The following TMEM200A variants were observed in gnomAD, a reference collection of about 807,000 sequenced individuals.
TMEM200A encodes two transmembrane C.
TMEM200A carries 12 observed loss-of-function variants against 24.3 expected under a neutral mutation model. The ratio of observed to expected loss-of-function variants is 0.49; its 90% confidence interval spans 0.32 to 0.80. The LOEUF is 0.80. Among genes scored for constraint, TMEM200A ranks in the 30% least tolerant of loss-of-function variants. TMEM200A has a pLI of 0.04. For missense variants in TMEM200A, 545 were observed against 614.4 expected, an observed-to-expected ratio of 0.89 and a Z score of 1.19; for synonymous variants, 224 against 224.4, an observed-to-expected ratio of 1.00 and a Z score of 0.02.
chr6:130,440,822 G>A lies in TMEM200A; in HGVS notation c.400G>A (p.Gly134Arg). The A allele has an allele frequency of 6.2e-7, 1 of 1,613,796 alleles. No homozygotes were observed. The highest frequency in any genetic ancestry group is 8.5e-7 in the Non-Finnish European group (1 of 1,179,852). The change falls in exon 3 of 3, where the codon GGG becomes AGG. Residue 134 changes from glycine (G) to arginine (R), a missense_variant. Transcript: ENST00000296978. ...GAAAATGCTTGGCCCATTCACCATG[G>A]GGATTGGCATTTTCATTTTCATTTG... ...KMKMLGPFTM[G>R]IGIFIFICAN...
At chr6:130,428,259 G>C (rs931956089) in intron 2 of TMEM200A, among the ~76,000 whole-genome samples, 3 of 152,218 alleles carry the variant, frequency 2.0e-5, no homozygotes, top group African/African-American at 7.2e-5. Context: ...TTTCAAAGAA[G>C]AGGTTGTTTT....
At chr6:130,368,049 A>G (rs549160483) in intron 1 of TMEM200A, among the ~76,000 whole-genome samples, 1 of 152,330 alleles carries the variant, frequency 6.6e-6, no homozygotes, top group African/African-American at 2.4e-5. Context: ...GACACCCGTA[A>G]TCAGAAGGGA....
At chr6:130,408,118 T>G (rs1278154171) in intron 2 of TMEM200A, among the ~76,000 whole-genome samples, 1 of 152,106 alleles carries the variant, frequency 6.6e-6, no homozygotes, top group Non-Finnish European at 1.5e-5. Context: ...GTAATAAAAG[T>G]GCCCCGTAGT....
At chr6:130,408,003 A>C (rs1195211947) in intron 2 of TMEM200A, among the ~76,000 whole-genome samples, 2 of 152,202 alleles carry the variant, frequency 1.3e-5, no homozygotes, top group Non-Finnish European at 2.9e-5. Context: ...TTGAGCACTT[A>C]CTATGCTCCA....
chr6:130,406,508 G>A (rs1025783125), intron 2 of TMEM200A, among the ~76,000 whole-genome samples: 6 of 152,066 alleles, frequency 3.9e-5, no homozygotes, highest in Non-Finnish European at 7.4e-5. Flanking sequence ...TCTGAAACTA[G>A]CTCTTCCACT....
chr6:130,384,321 TTTTTG>T (rs1277247501), intron 1 of TMEM200A, among the ~76,000 whole-genome samples: 1 of 152,172 alleles, frequency 6.6e-6, no homozygotes, highest in Non-Finnish European at 1.5e-5. Flanking sequence ...TGTGTTTTTA[TTTTTG>T]TTTTATTTAT....
intron 2 of TMEM200A, among the ~76,000 whole-genome samples, chr6:130,391,731 CTTTTTTTTTTTTTTTT>C (rs773093362): frequency 1.2e-4 from 10 of 81,886 alleles, no homozygotes; most frequent in African/African-American, 5.1e-4. Flanking sequence ...TTCAAGATTC[CTTTTTTTTTTTTTTTT>C]TTTTTTTTTT....
intron 2 of TMEM200A, among the ~76,000 whole-genome samples, chr6:130,386,185 C>T (rs1354925094): frequency 6.6e-6 from 1 of 152,174 alleles, no homozygotes; most frequent in Non-Finnish European, 1.5e-5. Flanking sequence ...GATAAATGAT[C>T]TCCAATACAG....
At chr6:130,429,275 A>ACTT (rs1779819324) in intron 2 of TMEM200A, among the ~76,000 whole-genome samples, 1 of 152,096 alleles carries the variant, frequency 6.6e-6, no homozygotes, top group Admixed American at 6.6e-5. Context: ...TAATCCCAGC[A>ACTT]CTTTGGAAGG....
At chr6:130,419,747 A>G (rs117574053) in intron 2 of TMEM200A, among the ~76,000 whole-genome samples, 2,784 of 152,342 alleles carry the variant, frequency 0.018, 23 homozygotes, top group Non-Finnish European at 0.027. Context: ...CAGGAATTAA[A>G]CCAAAAACAT....
At chr6:130,374,678 C>T (rs1259554502) in intron 1 of TMEM200A, among the ~76,000 whole-genome samples, 1 of 152,112 alleles carries the variant, frequency 6.6e-6, no homozygotes, top group African/African-American at 2.4e-5. Flanking sequence ...CCCACCTCAG[C>T]CTCCCAAAGT....
At chr6:130,430,693 T>C (rs1459840294) in intron 2 of TMEM200A, among the ~76,000 whole-genome samples, 1 of 152,166 alleles carries the variant, frequency 6.6e-6, no homozygotes, top group Non-Finnish European at 1.5e-5. Flanking sequence ...AGATCATTCT[T>C]TCTGTGAGTG....
chr6:130,368,780 A>ATAGTGGGTT (rs1383272778), intron 1 of TMEM200A, among the ~76,000 whole-genome samples: 1 of 152,188 alleles, frequency 6.6e-6, no homozygotes, highest in East Asian at 1.9e-4. Flanking sequence ...CAGACTGGGA[A>ATAGTGGGTT]GCAGCATAGT....
rs760191096 is a variant in TMEM200A, at chr6:130,440,387, C to CTTTTTTT, written c.-16-16_-16-10dup. 1.5e-6 allele frequency: 2 copies of CTTTTTTT among 1,341,998 alleles called. No individual in the cohort carries two copies. Among genetic ancestry groups the CTTTTTTT allele is most frequent in the African/African-American group, 1.5e-5 (1 of 67,274 alleles). The allele number at this position is 1,341,998 out of a possible 1,614,324, so 83.1% of individuals were successfully genotyped here. ...GGAACATATTTACATCATCTTTTTC[C>CTTTTTTT]TTTTTTTTTTCTTCTTCAGAGTAAA... On this transcript the variant is annotated intron_variant, in intron 2 of 2. Coordinates refer to ENST00000296978, the MANE Select transcript of TMEM200A (RefSeq NM_001258277.2).
chr6:130,365,830 T>A, upstream of TMEM200A: 1 of 985,586 alleles, frequency 1.0e-6, no homozygotes, highest in Non-Finnish European at 1.2e-6. Context: ...GCAGAGCAGA[T>A]CCTGTCTGCG....
chr6:130,377,106 T>C (rs1778475574), intron 1 of TMEM200A, among the ~76,000 whole-genome samples: 1 of 152,190 alleles, frequency 6.6e-6, no homozygotes, highest in Non-Finnish European at 1.5e-5. Context: ...TAACAAGCTT[T>C]TCTCAAGAAA....
At chr6:130,367,030 T>C (rs1401683662) in intron 1 of TMEM200A, among the ~76,000 whole-genome samples, 5 of 152,270 alleles carry the variant, frequency 3.3e-5, no homozygotes, top group Admixed American at 3.3e-4. Context: ...TTTGCTTCAT[T>C]AATCATTCTT....
At chr6:130,387,575 G>T (rs1268154700) in intron 2 of TMEM200A, among the ~76,000 whole-genome samples, 1 of 152,136 alleles carries the variant, frequency 6.6e-6, no homozygotes, top group Non-Finnish European at 1.5e-5. Context: ...ACCCAGTCTG[G>T]ATAGAGTTCT....
intron 2 of TMEM200A, among the ~76,000 whole-genome samples, chr6:130,404,190 AC>A (rs1354180853): frequency 2.0e-5 from 3 of 152,130 alleles, no homozygotes; most frequent in African/African-American, 7.2e-5. Flanking sequence ...TGTGTATATA[AC>A]CAGTAATGGG....
Sources: gnomAD v4.1 joint callset for allele counts (sites outside exome capture counted in the v4.1 genomes callset) on GRCh38, gnomAD v4.1.1 for gene constraint, MANE v1.5 for transcripts, NCBI Gene and HGNC (gene_info 2026-07-23, HGNC 2026-07-21) for gene names.